TOX: variants seen among roughly 807,000 people sequenced by gnomAD.
TOX encodes thymocyte selection associated high mobility group box, also known as thymocyte selection-associated high mobility group box protein TOX.
TOX carries 11 observed loss-of-function variants against 53.7 expected under a neutral mutation model. That is an observed-to-expected ratio of 0.20 (90% CI 0.13 to 0.34). The LOEUF (loss-of-function observed/expected upper bound fraction) is 0.34, where lower values mean the gene tolerates loss of function less well. Among genes scored for constraint, TOX ranks in the 10% least tolerant of loss-of-function variants. The pLI is 1.00. For synonymous variants in TOX, 225 were observed against 245.3 expected, an observed-to-expected ratio of 0.92 and a Z score of 0.77; for missense variants, 570 against 664.6, an observed-to-expected ratio of 0.86 and a Z score of 1.56.
chr8:58,883,986 A>G (rs1811428225), intron 3 of TOX, among the ~76,000 whole-genome samples: 1 of 152,178 alleles, frequency 6.6e-6, no homozygotes, highest in Admixed American at 6.6e-5. Context: ...AAAGCCTCAC[A>G]GGTCAAATGT....
intron 1 of TOX, among the ~76,000 whole-genome samples, chr8:59,068,599 T>C (rs760856743): frequency 7.9e-5 from 12 of 152,224 alleles, no homozygotes; most frequent in Admixed American, 1.3e-4. Flanking sequence ...GCATTCTGAG[T>C]GTTTTACAGG....
chr8:58,963,302 G>GATAT (rs748048781), intron 1 of TOX, among the ~76,000 whole-genome samples: 26,925 of 120,932 alleles, frequency 0.22, 3,066 homozygotes, highest in South Asian at 0.31. Flanking sequence ...AAGATAGATA[G>GATAT]ATAGATATAT....
chr8:59,018,188 C>G (rs1230876795), intron 1 of TOX, among the ~76,000 whole-genome samples: 1 of 152,148 alleles, frequency 6.6e-6, no homozygotes, highest in Non-Finnish European at 1.5e-5. Context: ...AGGAAATCGA[C>G]AGTCCTATTT....
At chr8:59,010,259 C>A (rs1813878179) in intron 1 of TOX, among the ~76,000 whole-genome samples, 1 of 152,070 alleles carries the variant, frequency 6.6e-6, no homozygotes, top group Non-Finnish European at 1.5e-5. Context: ...TTAAATGATA[C>A]AGTGTGAGTA....
At chr8:59,037,208 T>C (rs1174983001) in intron 1 of TOX, among the ~76,000 whole-genome samples, 1 of 151,588 alleles carries the variant, frequency 6.6e-6, no homozygotes. Flanking sequence ...CTTGGCCCTC[T>C]CTGTTTGATT....
At chr8:59,081,535 G>A (rs1228136654) in intron 1 of TOX, among the ~76,000 whole-genome samples, 1 of 152,172 alleles carries the variant, frequency 6.6e-6, no homozygotes. Flanking sequence ...GAAGTCAATG[G>A]TAGCTTTAAG....
intron 3 of TOX, among the ~76,000 whole-genome samples, chr8:58,862,091 C>T (rs1811021155): frequency 6.6e-6 from 1 of 152,096 alleles, no homozygotes; most frequent in African/African-American, 2.4e-5. Context: ...ATCCAATAAT[C>T]CTTTCAAATA....
intron 1 of TOX, among the ~76,000 whole-genome samples, chr8:59,046,270 A>G (rs1374900498): frequency 3.3e-5 from 5 of 152,200 alleles, no homozygotes; most frequent in South Asian, 2.1e-4. Flanking sequence ...AAAAAGTTTA[A>G]AACACTCAAC....
At chr8:58,960,116 T>TA in intron 1 of TOX, 108 bp from the exon 2 acceptor site, 2 of 1,162,776 alleles carry the variant, frequency 1.7e-6, no homozygotes, top group Admixed American at 4.0e-5. Context: ...ACAGTAGCCA[T>TA]AAAAAATACT....
intron 1 of TOX, among the ~76,000 whole-genome samples, chr8:58,982,372 C>A (rs573068843): frequency 6.6e-6 from 1 of 152,162 alleles, no homozygotes; most frequent in Admixed American, 6.5e-5. Flanking sequence ...AATATCTTTT[C>A]GGGGAGGATT....
intron 4 of TOX, among the ~76,000 whole-genome samples, chr8:58,846,702 C>A (rs1028649981): frequency 2.0e-5 from 3 of 152,116 alleles, no homozygotes; most frequent in Non-Finnish European, 4.4e-5. Context: ...AGAGACGACG[C>A]GTGTATTAAA....
chr8:58,855,933 C>G (rs115570757), intron 3 of TOX, among the ~76,000 whole-genome samples: 8 of 152,160 alleles, frequency 5.3e-5, no homozygotes, highest in African/African-American at 1.9e-4. Flanking sequence ...GGAAAAACCC[C>G]ATACTTTGCT....
At chr8:58,812,769 T>C (rs1422721273) in intron 7 of TOX, among the ~76,000 whole-genome samples, 2 of 152,236 alleles carry the variant, frequency 1.3e-5, no homozygotes, top group Non-Finnish European at 1.5e-5. Flanking sequence ...AGATAGTGCC[T>C]ACCACATGTT....
intron 2 of TOX, among the ~76,000 whole-genome samples, chr8:58,956,985 A>T (rs2129178179): frequency 6.6e-6 from 1 of 152,296 alleles, no homozygotes; most frequent in East Asian, 1.9e-4. Context: ...CCTACATATC[A>T]CTACTTTGTA....
intron 1 of TOX, among the ~76,000 whole-genome samples, chr8:59,075,581 T>C (rs938842738): frequency 3.3e-5 from 5 of 152,182 alleles, no homozygotes; most frequent in African/African-American, 1.2e-4. Context: ...GCTTTTCTCT[T>C]GCCAATCTGT....
At chr8:59,002,725 A>C (rs1425115174) in intron 1 of TOX, among the ~76,000 whole-genome samples, 1 of 152,192 alleles carries the variant, frequency 6.6e-6, no homozygotes, top group Non-Finnish European at 1.5e-5. Context: ...GATTTTTCTT[A>C]TATTTTATAA....
intron 3 of TOX, among the ~76,000 whole-genome samples, chr8:58,889,068 G>A (rs1303950481): frequency 6.6e-6 from 1 of 151,900 alleles, no homozygotes; most frequent in Non-Finnish European, 1.5e-5. Flanking sequence ...ATGTAAATTT[G>A]TATAACACAT....
chr8:59,041,728 T>A (rs1037952996), intron 1 of TOX, among the ~76,000 whole-genome samples: 1 of 152,152 alleles, frequency 6.6e-6, no homozygotes, highest in Admixed American at 6.5e-5. Flanking sequence ...GGCATCGAAG[T>A]TAAAGGTCTT....
intron 5 of TOX, among the ~76,000 whole-genome samples, chr8:58,827,931 G>A (rs62505116): frequency 0.17 from 25,846 of 152,156 alleles, 2,670 homozygotes; most frequent in Non-Finnish European, 0.23. Context: ...AAATGGAAAT[G>A]TATTTTCATT....
Sources: allele counts gnomAD v4.1 joint callset (sites outside exome capture counted in the v4.1 genomes callset), GRCh38; gene constraint gnomAD v4.1.1; transcripts MANE v1.5; gene names NCBI Gene and HGNC (gene_info 2026-07-23, HGNC 2026-07-21).